Variants in BRAP observed in about 807,000 individuals in gnomAD.
The protein encoded by BRAP is BRCA1-associated protein.
Under a neutral mutation model 73.4 loss-of-function variants are expected in BRAP, and 42 were observed. The ratio of observed to expected loss-of-function variants is 0.57; its 90% CI spans 0.45 to 0.74. BRAP has a LOEUF of 0.74. Ranked by LOEUF, BRAP falls within the 30% of genes least tolerant of loss-of-function variation. The pLI is 0.00. For missense variants in BRAP, 593 were observed against 751.4 expected, an observed-to-expected ratio of 0.79 and a Z score of 2.46; for synonymous variants, 255 against 267.4, an observed-to-expected ratio of 0.95 and a Z score of 0.45.
At chr12:111,666,515 G>A (rs1886951157) in intron 5 of BRAP, among the ~76,000 whole-genome samples, 1 of 152,150 alleles carries the variant, frequency 6.6e-6, no homozygotes, top group Admixed American at 6.5e-5. Flanking sequence ...GTGGAACAGT[G>A]GTGAGCAAAA....
chr12:111,680,158 T>C (rs1156268354), intron 3 of BRAP, among the ~76,000 whole-genome samples: 3 of 151,700 alleles, frequency 2.0e-5, no homozygotes, highest in Non-Finnish European at 4.4e-5. Flanking sequence ...GGTTTCACTA[T>C]GTTGGCCAGG....
intron 3 of BRAP, 37 bp downstream of exon 3, chr12:111,681,600 A>AT (rs1887602552): frequency 6.6e-7 from 1 of 1,525,652 alleles, no homozygotes; most frequent in African/African-American, 1.4e-5. Flanking sequence ...AAAAAAAAAA[A>AT]AATTGACTAA....
chr12:111,644,408 G>C lies in BRAP; in HGVS notation c.1570C>G (p.Leu524Val). 1 of 1,613,894 alleles carries C rather than the reference G, an allele frequency of 6.2e-7. No individual in the cohort carries two copies. The highest frequency in any genetic ancestry group is 8.5e-7 in the Non-Finnish European group (1 of 1,179,978). Residue 524 changes from leucine (L) to valine (V), a missense_variant, in exon 12 of 12, where the codon CTG becomes GTG. Around this residue, in one of 4 missense-constraint regions of BRAP, gnomAD observed 143 missense variants for 190.4 expected, o/e 0.75. Transcript: ENST00000419234. ...TGCTCCTGGATCTCGGTGATCTGCA[G>C]ATCTTTTTGGTCACAGGTCTCCTTC... is the stretch of plus-strand genomic sequence containing the variant. ...VLKETCDQKD[L>V]QITEIQEQLR...
intron 6 of BRAP, among the ~76,000 whole-genome samples, chr12:111,661,300 A>T: frequency 7.4e-6 from 1 of 134,536 alleles, no homozygotes. Context: ...TTTTTTTGAG[A>T]CAGAGTTTAG....
In BRAP at chr12:111,644,479, T is replaced by C. The variant is rs765162109; in HGVS notation, c.1499A>G (p.Asn500Ser). ...EQEMNKCLRA[N>S]QVLLQNKLKE... ...TAGCTTGTTCTGCAGGAGGACTTGG[T>C]TGGCTCGCAAACACTTGTTCATTTC... The change falls in exon 12 of 12, where the codon AAC (asparagine) becomes AGC (serine). Residue 500 changes from asparagine (N) to serine (S), a missense_variant. This residue lies in a region of BRAP where 143 missense variants were observed against 190.4 expected (regional missense o/e 0.75). Coordinates refer to ENST00000419234, the MANE Select transcript of BRAP (RefSeq NM_006768.5). 2 of 1,614,172 alleles carry C rather than the reference T, an allele frequency of 1.2e-6. No individual in the cohort carries two copies. The highest frequency in any genetic ancestry group is 4.5e-5 in the East Asian group (2 of 44,884).
chr12:111,661,433 C>T (rs531327954), intron 6 of BRAP, among the ~76,000 whole-genome samples: 3 of 152,138 alleles, frequency 2.0e-5, no homozygotes, highest in Non-Finnish European at 2.9e-5. Flanking sequence ...GCATGCGCCA[C>T]CACGCCCAGC....
intron 10 of BRAP, among the ~76,000 whole-genome samples, chr12:111,652,576 G>A (rs950552747): frequency 2.0e-5 from 3 of 152,118 alleles, no homozygotes; most frequent in African/African-American, 7.2e-5. Flanking sequence ...TTAAATTAGT[G>A]CTTATTAAAA....
At chr12:111,662,550 A>T (rs1222752517) in intron 6 of BRAP, among the ~76,000 whole-genome samples, 1 of 147,580 alleles carries the variant, frequency 6.8e-6, no homozygotes, top group Non-Finnish European at 1.5e-5. Context: ...AACTCCGTCT[A>T]AAAAAAAAAG....
intron 2 of BRAP, among the ~76,000 whole-genome samples, chr12:111,682,593 C>T (rs1195198760): frequency 6.6e-6 from 1 of 151,338 alleles, no homozygotes; most frequent in South Asian, 2.1e-4. Flanking sequence ...CATTAATGAT[C>T]TGCCACTGAA....
chr12:111,665,751 G>C lies in BRAP; in HGVS notation c.784C>G (p.Pro262Ala), dbSNP rs761783998. 6.2e-7 allele frequency: 1 copy of C among 1,614,234 alleles called. No individual in the cohort carries two copies. Among genetic ancestry groups the C allele is most frequent in the Non-Finnish European group, 8.5e-7 (1 of 1,180,042 alleles). Residue 262 changes from proline (P) to alanine (A), a missense_variant, in exon 6 of 12, where the codon CCC becomes GCC. By Grantham distance (27) the Pro-to-Ala change is conservative. Coordinates refer to ENST00000419234, the MANE Select transcript of BRAP (RefSeq NM_006768.5). The surrounding 1 kb of genome is among the most constrained non-coding windows in gnomAD (Gnocchi z 4.3). ...CGCTCCAGACACACCGTGCACTTGG[G>C]GAGTTCAGTCAGGTCCATCACTGGG... ...SLPVMDLTEL[P>A]KCTVCLERMD...
At position 111,642,402 on chromosome 12, in the gene BRAP, TG is replaced by T. The variant is rs1266954847; in HGVS notation, c.*1796del. ...ACACTTGCCTATTTGCTCATTCCTC[TG>T]GGCACAGCCTTTCAGAGCATTTATC... On this transcript the variant is annotated 3_prime_UTR_variant, in exon 12 of 12. Coordinates refer to ENST00000419234, the MANE Select transcript of BRAP (RefSeq NM_006768.5). The T allele has an allele frequency of 1.3e-5, 2 of 152,148 alleles. No homozygotes were observed. Among genetic ancestry groups the T allele is most frequent in the Non-Finnish European group, 2.9e-5 (2 of 68,036 alleles). 9.4% of individuals were successfully genotyped at this position (152,148 alleles called of 1,614,324 possible).
At chr12:111,654,102 G>A (rs957934722) in intron 10 of BRAP, among the ~76,000 whole-genome samples, 2 of 152,154 alleles carry the variant, frequency 1.3e-5, no homozygotes, top group Admixed American at 6.5e-5. Flanking sequence ...TGCACTTCCC[G>A]TGAGCCAACT....
chr12:111,644,917 T>A (rs1222077713), intron 11 of BRAP, among the ~76,000 whole-genome samples: 1 of 145,858 alleles, frequency 6.9e-6, no homozygotes, highest in South Asian at 2.2e-4. Context: ...CCACTATGCC[T>A]GGCTAATTTT....
chr12:111,672,788 T>G lies in BRAP; in HGVS notation c.634-14A>C, dbSNP rs1191535345. 6.2e-7 allele frequency: 1 copy of G among 1,603,320 alleles called. No homozygotes were observed. Among genetic ancestry groups the G allele is most frequent in the East Asian group, 2.2e-5 (1 of 44,786 alleles). On this transcript the variant is annotated splice_polypyrimidine_tract_variant and intron_variant, in intron 4 of 11. Coordinates refer to ENST00000419234, the MANE Select transcript of BRAP (RefSeq NM_006768.5). ...ATCCGCATCAGCCTATGTACACCAA[T>G]GGGGAAAAGGAAAAAAATTAAGACA... is the stretch of plus-strand genomic sequence containing the variant.
At chr12:111,673,080 C>T (rs1339063364) in intron 4 of BRAP, 1 of 296,762 alleles carries the variant, frequency 3.4e-6, no homozygotes, top group East Asian at 6.4e-5. Flanking sequence ...CAGCAACAGT[C>T]AACATTTCCC....
At chr12:111,644,684 C>T (rs543311487) in intron 11 of BRAP, 122 bp from the exon 12 acceptor site, 3 of 1,424,198 alleles carry the variant, frequency 2.1e-6, no homozygotes, top group Non-Finnish European at 2.8e-6. Context: ...ACCCCTTTCT[C>T]CCATCGTGAG....
At chr12:111,669,536 C>A (rs1367548215) in intron 5 of BRAP, among the ~76,000 whole-genome samples, 3 of 151,968 alleles carry the variant, frequency 2.0e-5, no homozygotes, top group Non-Finnish European at 2.9e-5. Context: ...TTGCTTCCCT[C>A]TTAATGTGTT....
intron 10 of BRAP, among the ~76,000 whole-genome samples, chr12:111,654,976 T>TC (rs1212316460): frequency 6.6e-6 from 1 of 152,184 alleles, no homozygotes; most frequent in African/African-American, 2.4e-5. Flanking sequence ...GTCACAGGGT[T>TC]CCTTGCACAT....
At chr12:111,662,993 G>C (rs1886812055) in intron 6 of BRAP, among the ~76,000 whole-genome samples, 1 of 148,936 alleles carries the variant, frequency 6.7e-6, no homozygotes, top group Non-Finnish European at 1.5e-5. Context: ...TTAGATTTCA[G>C]AACTGGTTCT....
Sources: gnomAD v4.1 joint callset for allele counts (sites outside exome capture counted in the v4.1 genomes callset) on GRCh38, gnomAD v4.1.1 for gene constraint, gnomAD v4.1.1 regional missense constraint, Gnocchi (gnomAD v3.1) non-coding constraint, MANE v1.5 for transcripts, NCBI Gene and HGNC (gene_info 2026-07-23, HGNC 2026-07-21) for gene names.